Variants in WT1 observed in about 807,000 individuals in gnomAD.
The protein encoded by WT1 is WT1 transcription factor.
WT1 carries 8 observed loss-of-function variants against 60.8 expected under a neutral mutation model. The ratio of observed to expected loss-of-function variants is 0.13; its 90% CI spans 0.08 to 0.24. WT1 has a LOEUF of 0.24. Ranked by LOEUF, WT1 falls within the 10% of genes least tolerant of loss-of-function variation. The probability of loss-of-function intolerance (pLI) is 1.00; values close to 1 mark genes in which losing one functional copy is unlikely to be tolerated. For missense variants in WT1, 568 were observed against 711.8 expected (o/e 0.80, Z 2.30); for synonymous variants, 312 against 297.1 (o/e 1.05, Z -0.52).
At chr11:32,419,871 T>G (rs1349154590) in intron 3 of WT1, among the ~76,000 whole-genome samples, 1 of 152,120 alleles carries the variant, frequency 6.6e-6, no homozygotes, top group Non-Finnish European at 1.5e-5. Flanking sequence ...TTTTTGTATT[T>G]TTAGTAGACA....
rs926668379 is a variant in WT1 at position 32,435,240 on chromosome 11, G to A, written c.121C>T (p.Pro41Ser). 5 of 1,535,994 alleles carry A rather than the reference G, an allele frequency of 3.3e-6. No homozygotes were observed. In the African/African-American group the frequency reaches 4.1e-5, roughly 13 times the overall value. ...CCTAACTTGGCCCAGATGCCGCCCG[G>A]GTCCCGGACTCCCTGCTGCTCTGGC... Residue 41 changes from proline (P) to serine (S), a missense_variant, in exon 1 of 10, where the codon CCG (proline) becomes TCG (serine). Physicochemically the swap from Pro to Ser is moderately conservative, Grantham distance 74 (BLOSUM62 -1). Transcript: ENST00000452863.
chr11:32,394,382 G>A (rs542611017), intron 7 of WT1, among the ~76,000 whole-genome samples: 20 of 152,144 alleles, frequency 1.3e-4, no homozygotes, highest in East Asian at 9.7e-4. Context: ...AAACTTTCTC[G>A]GATGACCTTA....
rs76195329 is a variant in WT1 at position 32,395,240 on chromosome 11, A to G, written c.1264+1017T>C. ...TAATAATGCTGTTCTTCGATTGTGG[A>G]AAAGGCAGCAGTAGCTCCTCTGTAG... is the stretch of plus-strand genomic sequence containing the variant. On this transcript the variant is annotated intron_variant, in intron 7 of 9. Transcript: ENST00000452863. 8.2e-4 allele frequency among the ~76,000 whole-genome samples: 125 copies of G among 152,312 alleles called. 1 individual carries two copies. The highest frequency in any genetic ancestry group is 3.0e-3 in the African/African-American group (124 of 41,566).
intron 5 of WT1, among the ~76,000 whole-genome samples, chr11:32,412,201 C>T (rs1318272491): frequency 1.3e-5 from 2 of 152,142 alleles, no homozygotes; most frequent in Admixed American, 6.6e-5. Context: ...CCATGTCTAG[C>T]GGGGATTTTC....
chr11:32,426,247 A>G (rs1433140321), intron 3 of WT1, among the ~76,000 whole-genome samples: 1 of 152,200 alleles, frequency 6.6e-6, no homozygotes, highest in Non-Finnish European at 1.5e-5. Flanking sequence ...TGACACACCA[A>G]CTGAGTCCAC....
At chr11:32,409,109 G>A (rs150697338) in intron 5 of WT1, among the ~76,000 whole-genome samples, 3,423 of 152,200 alleles carry the variant, frequency 0.022, 78 homozygotes, top group Admixed American at 0.079. Flanking sequence ...AATAGATACT[G>A]GATTATCCAC....
chr11:32,426,113 A>C (rs1402702592), intron 3 of WT1, among the ~76,000 whole-genome samples: 1 of 151,976 alleles, frequency 6.6e-6, no homozygotes, highest in Non-Finnish European at 1.5e-5. Flanking sequence ...GAAGTAACGG[A>C]TGTGTGTGTA....
intron 3 of WT1, among the ~76,000 whole-genome samples, chr11:32,418,772 T>C (rs1852760789): frequency 6.6e-6 from 1 of 152,146 alleles, no homozygotes; most frequent in Admixed American, 6.5e-5. Flanking sequence ...TTACAGCAAC[T>C]CAGAATAAAT....
At chr11:32,422,047 A>G (rs927974347) in intron 3 of WT1, among the ~76,000 whole-genome samples, 2 of 152,256 alleles carry the variant, frequency 1.3e-5, no homozygotes, top group South Asian at 2.1e-4. Flanking sequence ...TCCCACACCA[A>G]CAGAAAGGCC....
chr11:32,434,627 G>T (rs945892797), intron 1 of WT1, 73 bp downstream of exon 1: 2 of 1,606,818 alleles, frequency 1.2e-6, no homozygotes, highest in Non-Finnish European at 1.7e-6. Context: ...GGGTAGGAGA[G>T]GGGGGTGTCC....
chr11:32,427,906 TC>T, intron 3 of WT1, 49 bp downstream of exon 3: 1 of 1,546,226 alleles, frequency 6.5e-7, no homozygotes, highest in Non-Finnish European at 8.8e-7. Context: ...GGCTCATGCG[TC>T]CCCTCCGGGG....
intron 8 of WT1, 113 bp from the exon 9 acceptor site, chr11:32,392,177 T>C (rs1275137549): frequency 3.3e-6 from 3 of 898,364 alleles, no homozygotes. Context: ...ATGCCTGCAA[T>C]GTCTGCATCT....
intron 1 of WT1, among the ~76,000 whole-genome samples, chr11:32,430,063 AGGGAG>A (rs1853226497): frequency 6.6e-6 from 1 of 151,860 alleles, no homozygotes; most frequent in South Asian, 2.1e-4. Context: ...GCAGAGTGCA[AGGGAG>A]GGAAGGAGGG....
intron 3 of WT1, among the ~76,000 whole-genome samples, chr11:32,420,850 C>G (rs2133048089): frequency 6.6e-6 from 1 of 152,296 alleles, no homozygotes; most frequent in African/African-American, 2.4e-5. Context: ...AATAGAAGCC[C>G]CCTTTGCCAT....
chr11:32,417,750 T>C, intron 3 of WT1, 96 bp from the exon 4 acceptor site: 1 of 1,035,318 alleles, frequency 9.7e-7, no homozygotes. Flanking sequence ...TTCTTGAAAG[T>C]GCAAGCCTCC....
At chr11:32,429,978 G>GAAAAAAAAA in intron 1 of WT1, among the ~76,000 whole-genome samples, 1 of 91,246 alleles carries the variant, frequency 1.1e-5, no homozygotes, top group South Asian at 3.5e-4. Flanking sequence ...CCCCCGCCCA[G>GAAAAAAAAA]AAAAAAAAAA....
intron 2 of WT1, 126 bp from the exon 3 acceptor site, chr11:32,428,184 T>C: frequency 1.0e-6 from 1 of 975,042 alleles, no homozygotes; most frequent in Non-Finnish European, 1.5e-6. Flanking sequence ...ATGAGCGGCG[T>C]GCAGAGCGAG....
At chr11:32,423,219 G>A (rs36106678) in intron 3 of WT1, among the ~76,000 whole-genome samples, 16,514 of 152,254 alleles carry the variant, frequency 0.11, 1,312 homozygotes, top group African/African-American at 0.22. Context: ...CCAAACCAGG[G>A]TGGTCCTGGA....
chr11:32,390,294 C>T (rs1564968429), intron 9 of WT1, among the ~76,000 whole-genome samples: 1 of 152,198 alleles, frequency 6.6e-6, no homozygotes, highest in African/African-American at 2.4e-5. Context: ...CCCAGGAGGG[C>T]TGGTGTCCCA....
Sources: allele counts gnomAD v4.1 joint callset (sites outside exome capture counted in the v4.1 genomes callset), GRCh38; gene constraint gnomAD v4.1.1; transcripts MANE v1.5; gene names NCBI Gene and HGNC (gene_info 2026-07-23, HGNC 2026-07-21).